Variants in ILK observed in about 807,000 individuals in gnomAD.
ILK encodes the protein scaffold protein ILK.
In ILK, 37 loss-of-function variants were observed where a neutral mutation model predicts 57.8. The observed-to-expected ratio is 0.64, with a 90% CI of 0.49 to 0.84. The LOEUF (loss-of-function observed/expected upper bound fraction) is 0.84, where lower values mean the gene tolerates loss of function less well. Among genes scored for constraint, ILK ranks in the 40% least tolerant of loss-of-function variants. ILK has a pLI of 0.00. For synonymous variants in ILK, 231 were observed against 202.2 expected (o/e 1.14, Z -1.21); for missense variants, 528 against 595.7 (o/e 0.89, Z 1.18).
chr11:6,607,444 C>G (rs1855037543), intron 2 of ILK: 1 of 156,976 alleles, frequency 6.4e-6, no homozygotes, highest in South Asian at 1.8e-4. Context: ...TTCTCCTTTT[C>G]AACATAAACC....
At chr11:6,607,774 A>C in intron 2 of ILK, 1 of 483,202 alleles carries the variant, frequency 2.1e-6, no homozygotes. Flanking sequence ...AACCAGGGGA[A>C]GAGCACTACC....
intron 2 of ILK, chr11:6,606,848 G>C (rs1854963577): frequency 6.6e-6 from 1 of 152,238 alleles, no homozygotes. Context: ...ACTGGAAGCT[G>C]ATAAGTCAGG....
Position 6,608,852 on chromosome 11 carries a change from G to T in ILK, c.449-32G>T. The T allele has an allele frequency of 6.2e-7, 1 of 1,613,700 alleles. No homozygotes were observed. On this transcript the variant is annotated intron_variant, in intron 5 of 12. Transcript: ENST00000299421. This position sits in a 1 kb window ranked among gnomAD's most constrained non-coding sequence, Gnocchi z 4.9. Reference sequence around the variant, plus strand: ...CCCTTCCCACCTGTCTTCTCCCTCTGTACCACAGCTTAGGTTGTTTTTCTT... The same window carrying T: ...CCCTTCCCACCTGTCTTCTCCCTCTTTACCACAGCTTAGGTTGTTTTTCTT...
rs1309029657 is a variant in ILK at position 6,609,176 on chromosome 11, CCCTT to C, written c.618+23_618+26del. ...GGAGAGGTGACCCCTGCCCTTCTTGCCCTTCCCTCACTAAACCCCCATAAATTAC... is the reference window on the plus strand; with the variant it reads ...GGAGAGGTGACCCCTGCCCTTCTTGCCCCTCACTAAACCCCCATAAATTAC... On this transcript the variant is annotated intron_variant, in intron 7 of 12. Coordinates refer to ENST00000299421, the MANE Select transcript of ILK (RefSeq NM_004517.4). 4.4e-6 allele frequency: 7 copies of C among 1,608,034 alleles called. No homozygotes were observed. The highest frequency in any genetic ancestry group is 6.0e-6 in the Non-Finnish European group (7 of 1,174,500).
intron 12 of ILK, 65 bp from the exon 13 acceptor site, chr11:6,610,397 G>A (rs1855383978): frequency 2.5e-6 from 4 of 1,613,100 alleles, no homozygotes; most frequent in Admixed American, 1.7e-5. Flanking sequence ...TGTCCCAAGG[G>A]CCAGTGGCTT....
At chr11:6,604,036 T>G in intron 1 of ILK, 144 bp from the exon 2 acceptor site, 1 of 597,210 alleles carries the variant, frequency 1.7e-6, no homozygotes, top group Non-Finnish European at 3.0e-6. Flanking sequence ...CGTCACCCCC[T>G]GCCCACCCTG....
chr11:6,604,803 G>A, intron 2 of ILK: 1 of 459,856 alleles, frequency 2.2e-6, no homozygotes, highest in South Asian at 1.6e-5. Context: ...TATTTTAAAA[G>A]CAAGGTTTTA....
intron 12 of ILK, 92 bp downstream of exon 12, chr11:6,610,370 C>G: frequency 6.2e-7 from 1 of 1,612,424 alleles, no homozygotes. Flanking sequence ...CATATTTGTT[C>G]GGATATACAG....
In ILK at chr11:6,608,871, T is replaced by G; in HGVS notation, c.449-13T>G. On this transcript the variant is annotated splice_polypyrimidine_tract_variant and intron_variant, in intron 5 of 12. Coordinates refer to ENST00000299421, the MANE Select transcript of ILK (RefSeq NM_004517.4). The surrounding 1 kb of genome is among the most constrained non-coding windows in gnomAD (Gnocchi z 4.9). ...CCCTCTGTACCACAGCTTAGGTTGT[T>G]TTTCTTCCCTAGAGCGGGCAGAGAA... is the stretch of plus-strand genomic sequence containing the variant. 6.2e-7 allele frequency: 1 copy of G among 1,614,100 alleles called. No individual in the cohort carries two copies.
In ILK at chr11:6,608,049, C is replaced by A; in HGVS notation, c.93C>A (p.Asp31Glu). The A allele has an allele frequency of 6.2e-7, 1 of 1,613,972 alleles. No individual in the cohort carries two copies. ...DNTENDLNQGDDHGFSPLHWA... is the reference protein window; with the variant it reads ...DNTENDLNQGEDHGFSPLHWA... ...GACCATTGCCCCTTCCTCAAAGGGA[C>A]GATCATGGCTTCTCCCCCTTGCACT... Residue 31 changes from aspartate to glutamate, a missense_variant, in exon 3 of 13, where the codon GAC (aspartate) becomes GAA (glutamate). Coordinates refer to ENST00000299421, the MANE Select transcript of ILK (RefSeq NM_004517.4). This position sits in a 1 kb window ranked among gnomAD's most constrained non-coding sequence, Gnocchi z 4.9.
At position 6,609,766 on chromosome 11, in the gene ILK, A is replaced by G. The variant is rs1241550995; in HGVS notation, c.899A>G (p.Asp300Gly). Reference sequence around the variant, plus strand: ...AGCCAGGCTGTGAAGTTTGCTTTGGACATGGCAAGGGGCATGGCCTTCCTA... The same window carrying G: ...AGCCAGGCTGTGAAGTTTGCTTTGGGCATGGCAAGGGGCATGGCCTTCCTA... ...DQSQAVKFAL[D>G]MARGMAFLHT... The change falls in exon 10 of 13, where the codon GAC becomes GGC. Residue 300 changes from aspartate (D) to glycine (G), a missense_variant. Physicochemically the swap from Asp to Gly is moderately conservative, Grantham distance 94. Transcript: ENST00000299421. 1.2e-6 allele frequency: 2 copies of G among 1,614,234 alleles called. No homozygotes were observed. Among genetic ancestry groups the G allele is most frequent in the Non-Finnish European group, 1.7e-6 (2 of 1,180,042 alleles).
Position 6,608,953 on chromosome 11 carries a change from C to T in ILK, c.518C>T (p.Thr173Ile), listed in dbSNP as rs372608079. ...AAGGACACATTCTGGAAGGGGACCA[C>T]CCGCACTCGGCCCCGTGAGTCACCA... The part of the protein sequence containing the change: ...PYKDTFWKGT[T>I]RTRPRNGTLN... The change falls in exon 6 of 13, where the codon ACC becomes ATC. Residue 173 changes from threonine to isoleucine, a missense_variant. By Grantham distance (89) the Thr-to-Ile change is moderately conservative. Transcript: ENST00000299421. This position sits in a 1 kb window ranked among gnomAD's most constrained non-coding sequence, Gnocchi z 4.9. 10 of 1,614,070 alleles carry T rather than the reference C, an allele frequency of 6.2e-6. No individual in the cohort carries two copies. Among genetic ancestry groups the T allele is most frequent in the Non-Finnish European group, 8.5e-6 (10 of 1,180,022 alleles).
chr11:6,604,758 A>T (rs1017276882), intron 2 of ILK: 2 of 476,662 alleles, frequency 4.2e-6, no homozygotes, highest in Non-Finnish European at 4.1e-6. Flanking sequence ...GATCAGCCAG[A>T]TCATGCAAGC....
chr11:6,604,012 A>C, intron 1 of ILK, 168 bp from the exon 2 acceptor site: 2 of 583,840 alleles, frequency 3.4e-6, no homozygotes, highest in Admixed American at 5.9e-5. Context: ...TCCGTTCAGC[A>C]GACACTACCT....
At chr11:6,610,333 A>G in intron 12 of ILK, 55 bp downstream of exon 12, 2 of 1,613,860 alleles carry the variant, frequency 1.2e-6, no homozygotes, top group South Asian at 1.1e-5. Flanking sequence ...GATGGTGAAA[A>G]TAACTGTAGT....
At position 6,610,192 on chromosome 11, in the gene ILK, A is replaced by C. The variant is rs1394802490; in HGVS notation, c.1123A>C (p.Met375Leu). 1 of 1,614,184 alleles carries C rather than the reference A, an allele frequency of 6.2e-7. No homozygotes were observed. Among genetic ancestry groups the C allele is most frequent in the Non-Finnish European group, 8.5e-7 (1 of 1,179,998 alleles). The change falls in exon 12 of 13, where the codon ATG becomes CTG. Residue 375 changes from methionine (M) to leucine (L), a missense_variant. Met to Leu is a conservative substitution (Grantham distance 15, BLOSUM62 2). Transcript: ENST00000299421. ...AGACACAAACAGACGCTCAGCAGAC[A>C]TGTGGAGTTTTGCAGTGCTTCTGTG... ...PEDTNRRSAD[M>L]WSFAVLLWEL...
intron 2 of ILK, chr11:6,607,366 AT>A (rs1855028858): frequency 6.5e-6 from 1 of 152,774 alleles, no homozygotes; most frequent in South Asian, 2.0e-4. Context: ...TATGCACAGG[AT>A]TGCTAAGTAG....
Position 6,608,409 on chromosome 11 carries a change from G to A in ILK, c.271G>A (p.Ala91Thr). The change falls in exon 4 of 13, where the codon GCA (alanine) becomes ACA (threonine). Residue 91 changes from alanine (A) to threonine (T), a missense_variant. Coordinates refer to ENST00000299421, the MANE Select transcript of ILK (RefSeq NM_004517.4). This position sits in a 1 kb window ranked among gnomAD's most constrained non-coding sequence, Gnocchi z 4.9. Reference protein sequence around the residue: ...DIVQKLLQYKADINAVNEHGN... With the variant: ...DIVQKLLQYKTDINAVNEHGN... The stretch of plus-strand genomic sequence containing the variant: ...TGGGGTCCAGCTATTGCAGTACAAG[G>A]CAGACATCAATGCAGTGAATGAACA... The A allele has an allele frequency of 6.2e-7, 1 of 1,614,112 alleles. No homozygotes were observed. The highest frequency in any genetic ancestry group is 1.3e-5 in the African/African-American group (1 of 75,056).
At position 6,604,317 on chromosome 11, in the gene ILK, G is replaced by T. The variant is rs1433310238; in HGVS notation, c.46G>T (p.Val16Phe). Reference protein sequence around the residue: ...TQCREGNAVAVRLWLDNTEND... With the variant: ...TQCREGNAVAFRLWLDNTEND... The stretch of plus-strand genomic sequence containing the variant: ...GTGCCGGGAGGGCAACGCAGTCGCC[G>T]TTCGCCTGTGGCTGGACAACACGGA... Residue 16 changes from valine to phenylalanine, a missense_variant, in exon 2 of 13, where the codon GTT becomes TTT. Val to Phe is a conservative substitution (Grantham distance 50). Coordinates refer to ENST00000299421, the MANE Select transcript of ILK (RefSeq NM_004517.4). 1.2e-6 allele frequency: 2 copies of T among 1,612,866 alleles called. No individual in the cohort carries two copies. The highest frequency in any genetic ancestry group is 3.3e-5 in the Admixed American group (2 of 59,912).
Sources: gnomAD v4.1 joint callset for allele counts on GRCh38, gnomAD v4.1.1 for gene constraint, Gnocchi (gnomAD v3.1) non-coding constraint, MANE v1.5 for transcripts, NCBI Gene and HGNC (gene_info 2026-07-23, HGNC 2026-07-21) for gene names.